The following SEPTIN11 variants were observed in gnomAD, a reference collection of about 807,000 sequenced individuals.
SEPTIN11 encodes septin-11.
In SEPTIN11, 25 loss-of-function variants were observed where a neutral mutation model predicts 51.4. The observed-to-expected ratio is 0.49, with a 90% confidence interval of 0.35 to 0.68. SEPTIN11 has a LOEUF of 0.68. Among genes scored for constraint, SEPTIN11 ranks in the 30% least tolerant of loss-of-function variants. The pLI, the probability that SEPTIN11 is intolerant of heterozygous loss-of-function variation, is 0.00. For missense variants in SEPTIN11, 381 were observed against 520.8 expected (o/e 0.73, Z 2.61); for synonymous variants, 174 against 184.1 (o/e 0.95, Z 0.44).
At chr4:77,023,302 A>ACAAT (rs1553976962) in intron 7 of SEPTIN11, among the ~76,000 whole-genome samples, 3 of 143,934 alleles carry the variant, frequency 2.1e-5, no homozygotes, top group African/African-American at 7.7e-5. Flanking sequence ...ACACACACAC[A>ACAAT]ATATATATAT....
intron 1 of SEPTIN11, among the ~76,000 whole-genome samples, chr4:76,963,884 A>G (rs952455224): frequency 4.6e-5 from 7 of 152,134 alleles, no homozygotes; most frequent in Admixed American, 1.3e-4. Flanking sequence ...TACATGTGCC[A>G]TGTTGGTGTG....
chr4:76,975,789 C>T (rs553248669), intron 1 of SEPTIN11, among the ~76,000 whole-genome samples: 1 of 152,360 alleles, frequency 6.6e-6, no homozygotes, highest in African/African-American at 2.4e-5. Flanking sequence ...TAAAGTAACT[C>T]ATCTACTCTC....
intron 2 of SEPTIN11, 88 bp from the exon 3 acceptor site, chr4:77,005,513 A>G (rs1297407447): frequency 8.2e-7 from 1 of 1,213,626 alleles, no homozygotes; most frequent in Non-Finnish European, 1.2e-6. Flanking sequence ...AAACTTTATA[A>G]TCATGACTAA....
chr4:77,013,495 G>A (rs915810867), intron 4 of SEPTIN11, among the ~76,000 whole-genome samples: 1 of 152,136 alleles, frequency 6.6e-6, no homozygotes, highest in African/African-American at 2.4e-5. Flanking sequence ...CTGCCATTTT[G>A]TCTATGTTGA....
chr4:77,010,589 T>G (rs1355463188), intron 3 of SEPTIN11, among the ~76,000 whole-genome samples: 1 of 152,160 alleles, frequency 6.6e-6, no homozygotes, highest in Admixed American at 6.5e-5. Flanking sequence ...TAAGTTTGTT[T>G]GTTGTTATTG....
rs551767379 is a variant in SEPTIN11, at chr4:77,036,663, A to T, written c.*2151A>T. On this transcript the variant is annotated 3_prime_UTR_variant, in exon 10 of 10. Coordinates refer to ENST00000264893, the MANE Select transcript of SEPTIN11 (RefSeq NM_018243.4). The stretch of plus-strand genomic sequence containing the variant: ...AACAAATAGAAGCTTTTTTTTTTAA[A>T]AAATGTATTGCTTCTGAACTTTTTT... 21 of 1,497,490 alleles carry T rather than the reference A, an allele frequency of 1.4e-5. No individual in the cohort carries two copies. In the East Asian group the frequency reaches 3.0e-4, roughly 21 times the overall value. 92.8% of individuals were successfully genotyped at this position (1,497,490 alleles called of 1,614,324 possible).
Position 77,035,631 on chromosome 4 carries a change from T to C in SEPTIN11, c.*1119T>C, listed in dbSNP as rs954146869. ...TTCCTTGCTTAGTCTCCTTTCAGTATTTGGCAATAAAAGAAAGAAGAAATA... is the reference window on the plus strand; with the variant it reads ...TTCCTTGCTTAGTCTCCTTTCAGTACTTGGCAATAAAAGAAAGAAGAAATA... On this transcript the variant is annotated 3_prime_UTR_variant, in exon 10 of 10. Coordinates refer to ENST00000264893, the MANE Select transcript of SEPTIN11 (RefSeq NM_018243.4). 1.0e-6 allele frequency: 1 copy of C among 985,446 alleles called. No individual in the cohort carries two copies. Among genetic ancestry groups the C allele is most frequent in the Non-Finnish European group, 1.2e-6 (1 of 829,926 alleles). The allele number at this position is 985,446 out of a possible 1,614,324, so 61.0% of individuals were successfully genotyped here. A position where few individuals can be genotyped will look rare whatever the true frequency, so the allele number is the denominator to read the frequency against.
chr4:77,011,551 C>A (rs1327437555), intron 3 of SEPTIN11, among the ~76,000 whole-genome samples, 184 bp from the exon 4 acceptor site: 1 of 151,666 alleles, frequency 6.6e-6, no homozygotes, highest in Non-Finnish European at 1.5e-5. Flanking sequence ...AATGATTGGG[C>A]GTGGCTGGGA....
intron 3 of SEPTIN11, among the ~76,000 whole-genome samples, chr4:77,009,243 G>T (rs1724695346): frequency 6.6e-6 from 1 of 152,264 alleles, no homozygotes; most frequent in Non-Finnish European, 1.5e-5. Flanking sequence ...GACTTGGCCA[G>T]TGGTGTGGGT....
chr4:77,010,493 C>CTTTT (rs1724786100), intron 3 of SEPTIN11, among the ~76,000 whole-genome samples: 1 of 146,392 alleles, frequency 6.8e-6, no homozygotes. Flanking sequence ...GAGATTTTGT[C>CTTTT]TACTCTAATT....
chr4:76,978,014 T>C (rs1303353428), intron 1 of SEPTIN11, among the ~76,000 whole-genome samples: 1 of 152,176 alleles, frequency 6.6e-6, no homozygotes, highest in Non-Finnish European at 1.5e-5. Context: ...CTATGTAAGC[T>C]TTGGTTGATT....
At chr4:76,953,728 G>A (rs1269987814) in intron 1 of SEPTIN11, among the ~76,000 whole-genome samples, 1 of 152,156 alleles carries the variant, frequency 6.6e-6, no homozygotes, top group African/African-American at 2.4e-5. Flanking sequence ...ATTAAGGAAT[G>A]CAAGAAGTTT....
intron 4 of SEPTIN11, among the ~76,000 whole-genome samples, chr4:77,012,936 T>G (rs1031197463): frequency 2.6e-5 from 4 of 152,166 alleles, no homozygotes; most frequent in African/African-American, 9.7e-5. Flanking sequence ...CCCTCCTTCA[T>G]CCCATCTGAT....
chr4:76,993,114 T>C (rs1560715451), intron 1 of SEPTIN11, among the ~76,000 whole-genome samples: 1 of 151,856 alleles, frequency 6.6e-6, no homozygotes, highest in Non-Finnish European at 1.5e-5. Flanking sequence ...GTTGAATTAG[T>C]AGGAATAGAA....
chr4:77,007,545 A>G (rs1424396026), intron 3 of SEPTIN11, among the ~76,000 whole-genome samples: 4 of 152,186 alleles, frequency 2.6e-5, no homozygotes, highest in East Asian at 3.8e-4. Flanking sequence ...CTCCCCAATC[A>G]GCACTCAGCA....
chr4:76,951,108 C>T (rs1439761050), intron 1 of SEPTIN11, among the ~76,000 whole-genome samples: 1 of 152,144 alleles, frequency 6.6e-6, no homozygotes, highest in East Asian at 1.9e-4. Flanking sequence ...TCGGAAATCC[C>T]AGAAATGCAA....
intron 5 of SEPTIN11, among the ~76,000 whole-genome samples, chr4:77,016,631 CACATATATATATATATATATATAT>C (rs1560736254): frequency 2.2e-4 from 5 of 22,724 alleles, no homozygotes; most frequent in African/African-American, 6.5e-4. Context: ...TATATATATA[CACATATATATATATATATATATAT>C]ACACATATAT....
rs746060331 is a variant in SEPTIN11 at position 77,036,260 on chromosome 4, C to T, written c.*1748C>T. ...ACAGGTTTAGGAGCTACTGGACCAACATTCTTGTTTTTGCTTTTGTTTTTT... is the reference window on the plus strand; with the variant it reads ...ACAGGTTTAGGAGCTACTGGACCAATATTCTTGTTTTTGCTTTTGTTTTTT... On this transcript the variant is annotated 3_prime_UTR_variant, in exon 10 of 10. Coordinates refer to ENST00000264893, the MANE Select transcript of SEPTIN11 (RefSeq NM_018243.4). The T allele has an allele frequency of 7.0e-5, 71 of 1,015,564 alleles. No homozygotes were observed. Among genetic ancestry groups the T allele is most frequent in the Non-Finnish European group, 7.9e-5 (67 of 848,922 alleles). The allele number at this position is 1,015,564 out of a possible 1,614,324, so 62.9% of individuals were successfully genotyped here. A position where few individuals can be genotyped will look rare whatever the true frequency, so the allele number is the denominator to read the frequency against.
intron 2 of SEPTIN11, among the ~76,000 whole-genome samples, chr4:77,004,720 T>C (rs950312761): frequency 2.0e-5 from 3 of 152,174 alleles, no homozygotes; most frequent in African/African-American, 7.2e-5. Context: ...CCCAGCACTT[T>C]AGGAGGCTGA....
Sources: allele counts gnomAD v4.1 joint callset (sites outside exome capture counted in the v4.1 genomes callset), GRCh38; gene constraint gnomAD v4.1.1; transcripts MANE v1.5; gene names NCBI Gene and HGNC (gene_info 2026-07-23, HGNC 2026-07-21).